Variants in NVL observed in about 807,000 individuals in gnomAD.
NVL encodes nuclear valosin-containing protein-like.
NVL carries 84 observed loss-of-function variants against 110.2 expected under a neutral mutation model. The observed-to-expected ratio is 0.76, with a 90% CI of 0.64 to 0.91. The LOEUF is 0.91. NVL is among the 40% of genes least tolerant of loss of function. The pLI, the probability that NVL is intolerant of heterozygous loss-of-function variation, is 0.00. For missense variants in NVL, 882 were observed against 1,035.9 expected (o/e 0.85, Z 2.04); for synonymous variants, 354 against 361.1 (o/e 0.98, Z 0.22).
intron 9 of NVL, among the ~76,000 whole-genome samples, chr1:224,300,934 A>AT (rs1189502651): frequency 6.6e-6 from 1 of 152,020 alleles, no homozygotes; most frequent in Non-Finnish European, 1.5e-5. Context: ...GAGAAACCCC[A>AT]TTTTTACTAA....
At chr1:224,229,986 C>T (rs772946366) in intron 22 of NVL, among the ~76,000 whole-genome samples, 1 of 152,032 alleles carries the variant, frequency 6.6e-6, no homozygotes, top group Non-Finnish European at 1.5e-5. Flanking sequence ...TGCATGACAC[C>T]ATGCCTGGCT....
chr1:224,253,832 T>C (rs1662830870), intron 18 of NVL, among the ~76,000 whole-genome samples: 1 of 152,100 alleles, frequency 6.6e-6, no homozygotes, highest in Non-Finnish European at 1.5e-5. Flanking sequence ...AAAGTTCCAG[T>C]TCCTCCATAT....
At chr1:224,284,609 GCCT>G (rs1399298218) in intron 15 of NVL, among the ~76,000 whole-genome samples, 2 of 152,142 alleles carry the variant, frequency 1.3e-5, no homozygotes, top group South Asian at 2.1e-4. Context: ...TGAAATCATG[GCCT>G]CAAGTGATCC....
Position 224,275,487 on chromosome 1 carries a change from A to G in NVL, c.1963-29T>C, listed in dbSNP as rs199926089. ...AACATACACAGAAAGGAAATAAAAT[A>G]CCAACAGTTCAACTTTGTGGTTTGG... On this transcript the variant is annotated intron_variant, in intron 16 of 22. Coordinates refer to ENST00000281701, the MANE Select transcript of NVL (RefSeq NM_002533.4). 9.9e-4 allele frequency: 1,604 copies of G among 1,613,604 alleles called. 2 individuals carry two copies. The highest frequency in any genetic ancestry group is 1.2e-3 in the Non-Finnish European group (1,414 of 1,179,812).
In NVL at chr1:224,308,052, CTG is replaced by C. The variant is rs1669109714; in HGVS notation, c.552_553del (p.Asp184GlufsTer9). 1 of 1,593,274 alleles carries C rather than the reference CTG, an allele frequency of 6.3e-7. No homozygotes were observed. The highest frequency in any genetic ancestry group is 8.5e-7 in the Non-Finnish European group (1 of 1,171,928). ...CTCACATGACAGGTCCAAGAAAAAA[CTG>C]TCTTTCTTTACACTTGGGGTTTTGT... On this transcript the variant is annotated frameshift_variant, in exon 6 of 23. Transcript: ENST00000281701. LOFTEE classifies it high-confidence loss of function.
At chr1:224,317,445 C>A (rs1670199895) in intron 4 of NVL, among the ~76,000 whole-genome samples, 1 of 152,120 alleles carries the variant, frequency 6.6e-6, no homozygotes, top group South Asian at 2.1e-4. Context: ...TCAACTGATT[C>A]TTGAGGGCTG....
At chr1:224,307,335 G>A (rs972121328) in intron 6 of NVL, among the ~76,000 whole-genome samples, 3 of 152,178 alleles carry the variant, frequency 2.0e-5, no homozygotes, top group African/African-American at 7.2e-5. Flanking sequence ...GTCAGGCAGC[G>A]AAATCATAAA....
chr1:224,323,495 C>T (rs190110871), intron 2 of NVL, among the ~76,000 whole-genome samples: 38 of 152,064 alleles, frequency 2.5e-4, no homozygotes, highest in African/African-American at 9.2e-4. Flanking sequence ...TTAGCAGAAG[C>T]CAGGAATAGA....
intron 1 of NVL, among the ~76,000 whole-genome samples, chr1:224,329,498 G>A (rs1216731642): frequency 6.6e-6 from 1 of 152,158 alleles, no homozygotes; most frequent in Non-Finnish European, 1.5e-5. Context: ...ATTCCTAAGT[G>A]AAGAAAATTC....
intron 10 of NVL, among the ~76,000 whole-genome samples, chr1:224,299,184 C>T (rs555998346): frequency 3.3e-5 from 5 of 152,166 alleles, no homozygotes; most frequent in African/African-American, 1.2e-4. Flanking sequence ...ATCCTTATGA[C>T]AATGTTTGCA....
chr1:224,307,368 C>A (rs890057733), intron 6 of NVL, among the ~76,000 whole-genome samples: 2 of 152,076 alleles, frequency 1.3e-5, no homozygotes, highest in African/African-American at 2.4e-5. Flanking sequence ...CTGTCACAGG[C>A]CTTTGGATTT....
At chr1:224,302,909 C>A in intron 9 of NVL, 1 of 318,864 alleles carries the variant, frequency 3.1e-6, no homozygotes, top group Non-Finnish European at 6.1e-6. Context: ...ATAAGCTGGG[C>A]GTGGTGGTAT....
intron 18 of NVL, among the ~76,000 whole-genome samples, chr1:224,266,960 A>C (rs1664555955): frequency 6.6e-6 from 1 of 152,234 alleles, no homozygotes; most frequent in African/African-American, 2.4e-5. Context: ...TATAGTCCCA[A>C]GGTTACTATG....
At position 224,330,113 on chromosome 1, in the gene NVL, A is replaced by T; in HGVS notation, c.15T>A (p.Pro5=). The change falls in exon 1 of 23, where the codon CCT becomes CCA. Residue 5 remains proline, a synonymous_variant. Transcript: ENST00000281701. Reference sequence around the variant, plus strand: ...TGAGTTTATTATCCACGAACCCTGCAGGTCTGGGCTTCATCGCGTCGGTCT... The same window carrying T: ...TGAGTTTATTATCCACGAACCCTGCTGGTCTGGGCTTCATCGCGTCGGTCT... MKPR[P]AGFVDNKLKQ... is the part of the protein sequence containing the mutation. 1 of 1,614,064 alleles carries T rather than the reference A, an allele frequency of 6.2e-7. No individual in the cohort carries two copies. Among genetic ancestry groups the T allele is most frequent in the Non-Finnish European group, 8.5e-7 (1 of 1,179,966 alleles).
At position 224,289,622 on chromosome 1, in the gene NVL, T is replaced by G; in HGVS notation, c.1437A>C (p.Arg479=). Residue 479 remains arginine, a synonymous_variant, in exon 13 of 23, where the codon CGA becomes CGC. Transcript: ENST00000281701. ...TATTGACTGCACACATTGCTGCCTC[T>G]CGGCACAGTGCCATGAGATCAGCAC... ...FVGADLMALC[R]EAAMCAVNRV... 1 of 1,614,272 alleles carries G rather than the reference T, an allele frequency of 6.2e-7. No homozygotes were observed. The highest frequency in any genetic ancestry group is 8.5e-7 in the Non-Finnish European group (1 of 1,180,054).
At chr1:224,320,222 G>A (rs1463989623) in intron 2 of NVL, among the ~76,000 whole-genome samples, 1 of 152,092 alleles carries the variant, frequency 6.6e-6, no homozygotes, top group African/African-American at 2.4e-5. Flanking sequence ...ACATTTTCTG[G>A]TTTTAATAAA....
intron 20 of NVL, among the ~76,000 whole-genome samples, chr1:224,236,102 T>C (rs1367784055): frequency 6.6e-6 from 1 of 151,912 alleles, no homozygotes; most frequent in Non-Finnish European, 1.5e-5. Context: ...AACACAAACA[T>C]AGGAAGGATG....
chr1:224,258,697 A>T (rs142761183), intron 18 of NVL, among the ~76,000 whole-genome samples: 162 of 152,346 alleles, frequency 1.1e-3, no homozygotes, highest in African/African-American at 2.6e-3. Context: ...ACAACGGGAT[A>T]TTATTTCATA....
Position 224,308,193 on chromosome 1 carries a change from G to A in NVL, c.413C>T (p.Thr138Ile), listed in dbSNP as rs188779693. Residue 138 changes from threonine (T) to isoleucine (I), a missense_variant, in exon 6 of 23, where the codon ACT becomes ATT. Physicochemically the swap from Thr to Ile is moderately conservative, Grantham distance 89 (BLOSUM62 -1). This residue lies in a region of NVL where 274 missense variants were observed against 268.4 expected (regional missense o/e 1.02). Coordinates refer to ENST00000281701, the MANE Select transcript of NVL (RefSeq NM_002533.4). ...RKGNPDSVSN[T>I]PEMEQRETTS... ...GGTTTCTCTTTGCTCCATCTCAGGA[G>A]TATTTGAAACAGAATCAGGATTTCC... 8.7e-6 allele frequency: 14 copies of A among 1,613,960 alleles called. No individual in the cohort carries two copies. In the Admixed American group the frequency reaches 2.0e-4, roughly 23 times the overall value.
Sources: allele counts gnomAD v4.1 joint callset (sites outside exome capture counted in the v4.1 genomes callset), GRCh38; gene constraint gnomAD v4.1.1; regional missense constraint gnomAD v4.1.1; transcripts MANE v1.5; gene names NCBI Gene and HGNC (gene_info 2026-07-23, HGNC 2026-07-21).